The following ELOVL5 variants were observed in gnomAD, a reference collection of about 807,000 sequenced individuals.
ELOVL5 encodes the protein ELOVL fatty acid elongase 5, also known as very long chain fatty acid elongase 5.
ELOVL5 carries 8 observed loss-of-function variants against 38.6 expected under a neutral mutation model. The ratio of observed to expected loss-of-function variants is 0.21; its 90% CI spans 0.12 to 0.37. The LOEUF (loss-of-function observed/expected upper bound fraction) is 0.37. Among genes scored for constraint, ELOVL5 ranks in the 10% least tolerant of loss-of-function variants. ELOVL5 has a pLI of 1.00. For missense variants in ELOVL5, 280 were observed against 367.8 expected (o/e 0.76, Z 1.95); for synonymous variants, 127 against 133.7 (o/e 0.95, Z 0.34).
intron 1 of ELOVL5, among the ~76,000 whole-genome samples, chr6:53,347,678 T>C (rs1368214291): frequency 6.6e-6 from 1 of 152,146 alleles, no homozygotes; most frequent in Non-Finnish European, 1.5e-5. Context: ...GGTTCCTCAG[T>C]CTAGCTAATA....
At chr6:53,282,315 A>G (rs1766392553) in intron 3 of ELOVL5, among the ~76,000 whole-genome samples, 1 of 152,232 alleles carries the variant, frequency 6.6e-6, no homozygotes, top group Admixed American at 6.5e-5. Flanking sequence ...GAGGATCTGT[A>G]GAGTGATGTG....
intron 1 of ELOVL5, among the ~76,000 whole-genome samples, chr6:53,320,294 G>A (rs1768244061): frequency 6.6e-6 from 1 of 151,926 alleles, no homozygotes; most frequent in Non-Finnish European, 1.5e-5. Context: ...TCCAGCCTGG[G>A]TGACAGAATG....
At chr6:53,310,884 C>G (rs9370194) in intron 1 of ELOVL5, among the ~76,000 whole-genome samples, 1 of 151,946 alleles carries the variant, frequency 6.6e-6, no homozygotes, top group Admixed American at 6.5e-5. Flanking sequence ...CAGAAAAGAC[C>G]GTTGGTTTTT....
intron 1 of ELOVL5, among the ~76,000 whole-genome samples, chr6:53,304,343 AC>A (rs1767389995): frequency 2.0e-5 from 3 of 152,242 alleles, no homozygotes; most frequent in Non-Finnish European, 4.4e-5. Context: ...CTCTTCTACT[AC>A]ATGATCAGTA....
chr6:53,311,351 A>G (rs1266717064), intron 1 of ELOVL5, among the ~76,000 whole-genome samples: 1 of 152,236 alleles, frequency 6.6e-6, no homozygotes, highest in East Asian at 1.9e-4. Context: ...GTAGATGGAG[A>G]AAGTGAAATA....
chr6:53,304,051 G>A (rs1242397543), intron 1 of ELOVL5, among the ~76,000 whole-genome samples: 1 of 152,144 alleles, frequency 6.6e-6, no homozygotes, highest in African/African-American at 2.4e-5. Context: ...ATACTTCTGT[G>A]TTCAGGTATT....
At position 53,268,783 on chromosome 6, in the gene ELOVL5, T is replaced by TAA; in HGVS notation, c.*342_*343dup. The TAA allele has an allele frequency of 5.9e-6, 1 of 169,958 alleles. No homozygotes were observed. Among genetic ancestry groups the TAA allele is most frequent in the Non-Finnish European group, 1.2e-5 (1 of 81,068 alleles). 10.5% of individuals were successfully genotyped at this position (169,958 alleles called of 1,614,324 possible). Reference sequence around the variant, plus strand: ...TACAATCACATGCATGATCTACAGTTAAAAAAAAAAGTTTGGATTACAGTG... The same window carrying TAA: ...TACAATCACATGCATGATCTACAGTTAAAAAAAAAAAAGTTTGGATTACAGTG... On this transcript the variant is annotated 3_prime_UTR_variant, in exon 8 of 8. Coordinates refer to ENST00000304434, the MANE Select transcript of ELOVL5 (RefSeq NM_021814.5).
chr6:53,339,409 G>A (rs553490717), intron 1 of ELOVL5, among the ~76,000 whole-genome samples: 1 of 152,324 alleles, frequency 6.6e-6, no homozygotes, highest in South Asian at 2.1e-4. Flanking sequence ...ACTGAAGGTG[G>A]TGGCAGACTT....
At chr6:53,305,329 C>T (rs1281198589) in intron 1 of ELOVL5, among the ~76,000 whole-genome samples, 1 of 125,564 alleles carries the variant, frequency 8.0e-6, no homozygotes, top group Non-Finnish European at 1.7e-5. Flanking sequence ...GGGCAGGGGG[C>T]TGACCCCCCC....
At chr6:53,269,681 G>T (rs1014929313) in intron 7 of ELOVL5, among the ~76,000 whole-genome samples, 1 of 152,164 alleles carries the variant, frequency 6.6e-6, no homozygotes, top group African/African-American at 2.4e-5. Context: ...CTGCCTCGGC[G>T]ACTATCTCAG....
intron 1 of ELOVL5, among the ~76,000 whole-genome samples, chr6:53,347,985 A>G (rs978508355): frequency 2.0e-5 from 3 of 151,610 alleles, no homozygotes; most frequent in Non-Finnish European, 2.9e-5. Flanking sequence ...CTCGCAAGAC[A>G]ACACACACTC....
Position 53,291,973 on chromosome 6 carries a change from T to A in ELOVL5, c.59-10A>T. ...CCTTTTACTCTAGTATCTGAAAAAT[T>A]AAAAAAAATTAATGATATATAAAAA... On this transcript the variant is annotated splice_polypyrimidine_tract_variant and intron_variant, in intron 2 of 7. Transcript: ENST00000304434. The A allele has an allele frequency of 7.0e-7, 1 of 1,436,450 alleles. No individual in the cohort carries two copies. Among genetic ancestry groups the A allele is most frequent in the Non-Finnish European group, 9.4e-7 (1 of 1,068,220 alleles). The allele number at this position is 1,436,450 out of a possible 1,614,324, so 89.0% of individuals were successfully genotyped here.
At chr6:53,325,336 A>T (rs9357760) in intron 1 of ELOVL5, among the ~76,000 whole-genome samples, 31 of 151,606 alleles carry the variant, frequency 2.0e-4, no homozygotes, top group Non-Finnish European at 1.5e-5. Context: ...TTACTGTGTC[A>T]TAAGCCAAAT....
chr6:53,288,047 T>A (rs3817960), intron 3 of ELOVL5: 9 of 977,518 alleles, frequency 9.2e-6, no homozygotes, highest in Non-Finnish European at 1.4e-5. Context: ...GGACAGAGCA[T>A]CTGCCTAAGA....
At chr6:53,343,763 C>T (rs1304553964) in intron 1 of ELOVL5, among the ~76,000 whole-genome samples, 1 of 152,202 alleles carries the variant, frequency 6.6e-6, no homozygotes, top group Non-Finnish European at 1.5e-5. Flanking sequence ...TTCCAATCTT[C>T]TCAAATTACT....
At chr6:53,287,729 G>A (rs1766625280) in intron 3 of ELOVL5, 1 of 741,598 alleles carries the variant, frequency 1.3e-6, no homozygotes, top group Non-Finnish European at 2.3e-6. Context: ...TGTTGCTGGG[G>A]TTTGAGTAGA....
intron 6 of ELOVL5, 69 bp downstream of exon 6, chr6:53,273,151 C>T (rs1765986071): frequency 6.4e-7 from 1 of 1,555,202 alleles, no homozygotes; most frequent in Non-Finnish European, 8.8e-7. Flanking sequence ...TATTACATAA[C>T]ACTAAAGCCA....
intron 3 of ELOVL5, among the ~76,000 whole-genome samples, chr6:53,291,329 G>A (rs1003606389): frequency 6.6e-5 from 10 of 152,154 alleles, no homozygotes; most frequent in African/African-American, 2.4e-4. Context: ...CAATCAGAGA[G>A]GGTGATGTGC....
At chr6:53,272,836 TA>T in intron 6 of ELOVL5, among the ~76,000 whole-genome samples, 1 of 152,340 alleles carries the variant, frequency 6.6e-6, no homozygotes, top group South Asian at 2.1e-4. Context: ...GACTCCATAC[TA>T]CTCTCCAGCT....
Sources: allele counts gnomAD v4.1 joint callset (sites outside exome capture counted in the v4.1 genomes callset), GRCh38; gene constraint gnomAD v4.1.1; transcripts MANE v1.5; gene names NCBI Gene and HGNC (gene_info 2026-07-23, HGNC 2026-07-21).